VCL: variants seen among roughly 807,000 people sequenced by gnomAD.
The protein encoded by VCL is vinculin.
VCL carries 47 observed loss-of-function variants against 125.7 expected under a neutral mutation model. The observed-to-expected ratio is 0.37, with a 90% CI of 0.30 to 0.48. The LOEUF (loss-of-function observed/expected upper bound fraction) is 0.48, where lower values mean the gene tolerates loss of function less well. Among genes scored for constraint, VCL ranks in the 20% least tolerant of loss-of-function variants. The probability of loss-of-function intolerance (pLI) is 0.99; values close to 1 mark genes in which losing one functional copy is unlikely to be tolerated. For synonymous variants in VCL, 458 were observed against 514.6 expected, an observed-to-expected ratio of 0.89 and a Z score of 1.49; for missense variants, 1,069 against 1,455.5, an observed-to-expected ratio of 0.73 and a Z score of 4.32.
Position 74,070,976 on chromosome 10 carries a change from T to C in VCL, c.392T>C (p.Val131Ala). Residue 131 changes from valine to alanine, a missense_variant and splice_region_variant, in exon 4 of 22, where the codon GTC (valine) becomes GCC (alanine). Coordinates refer to ENST00000211998, the MANE Select transcript of VCL (RefSeq NM_014000.3). ...DLLLTFDEAE[V>A]RKIIRVCKGI... Reference sequence around the variant, plus strand: ...GAATACTCTGAAATATTTTTTCAGGTCCGTAAAATTATTAGAGTTTGCAAA... The same window carrying C: ...GAATACTCTGAAATATTTTTTCAGGCCCGTAAAATTATTAGAGTTTGCAAA... 1 of 1,614,110 alleles carries C rather than the reference T, an allele frequency of 6.2e-7. No homozygotes were observed. The highest frequency in any genetic ancestry group is 8.5e-7 in the Non-Finnish European group (1 of 1,179,962).
At chr10:74,053,767 T>G (rs773104920) in intron 2 of VCL, among the ~76,000 whole-genome samples, 1 of 151,948 alleles carries the variant, frequency 6.6e-6, no homozygotes, top group Non-Finnish European at 1.5e-5. Context: ...CCCGCCACCA[T>G]GCCTGGCTAA....
intron 1 of VCL, among the ~76,000 whole-genome samples, chr10:74,033,879 G>C (rs1279403702): frequency 1.3e-5 from 2 of 152,100 alleles, no homozygotes; most frequent in Non-Finnish European, 2.9e-5. Flanking sequence ...CTAGATTTCT[G>C]TCTCACCCTC....
intron 13 of VCL, among the ~76,000 whole-genome samples, chr10:74,100,067 C>G (rs1366766915): frequency 6.6e-6 from 1 of 152,322 alleles, no homozygotes; most frequent in East Asian, 1.9e-4. Context: ...GTGTATAAAC[C>G]TGACCCAGTG....
chr10:74,014,362 G>T (rs745724853), intron 1 of VCL, among the ~76,000 whole-genome samples: 61 of 151,882 alleles, frequency 4.0e-4, no homozygotes, highest in Non-Finnish European at 6.5e-4. Context: ...CTCCCCAGTA[G>T]CTAGGACTAC....
chr10:74,047,335 T>C (rs1337288630), intron 2 of VCL, among the ~76,000 whole-genome samples: 1 of 152,226 alleles, frequency 6.6e-6, no homozygotes, highest in Non-Finnish European at 1.5e-5. Context: ...TGGATTTTTA[T>C]GTTTGCTTTT....
At position 74,089,210 on chromosome 10, in the gene VCL, C is replaced by T; in HGVS notation, c.1037C>T (p.Ser346Leu). The T allele has an allele frequency of 1.2e-6, 2 of 1,614,038 alleles. No individual in the cohort carries two copies. Among genetic ancestry groups the T allele is most frequent in the South Asian group, 2.2e-5 (2 of 91,046 alleles). Reference sequence around the variant, plus strand: ...GTTTTGAGCAGAGGACAAGGATCCTCACCGGTGGCCATGCAGAAAGCTCAG... The same window carrying T: ...GTTTTGAGCAGAGGACAAGGATCCTTACCGGTGGCCATGCAGAAAGCTCAG... ...ADLRARGQGS[S>L]PVAMQKAQQV... is the part of the protein sequence containing the mutation. Residue 346 changes from serine (S) to leucine (L), a missense_variant, in exon 9 of 22, where the codon TCA becomes TTA. This residue lies in a region of VCL where 760 missense variants were observed against 928.9 expected (regional missense o/e 0.82). Transcript: ENST00000211998.
chr10:74,029,035 T>G (rs534652263), intron 1 of VCL, among the ~76,000 whole-genome samples: 1 of 151,898 alleles, frequency 6.6e-6, no homozygotes, highest in Non-Finnish European at 1.5e-5. Context: ...GCTAGGTTGG[T>G]CTCAAACTCT....
At chr10:74,104,526 T>C (rs961397907) in intron 15 of VCL, among the ~76,000 whole-genome samples, 1 of 152,176 alleles carries the variant, frequency 6.6e-6, no homozygotes. Flanking sequence ...CAGAACCTGC[T>C]GTGACTGGGG....
At position 74,071,150 on chromosome 10, in the gene VCL, A is replaced by AC. The variant is rs1194263562; in HGVS notation, c.499+70dup. On this transcript the variant is annotated intron_variant, in intron 4 of 21. Transcript: ENST00000211998. The surrounding 1 kb of genome is among the most constrained non-coding windows in gnomAD (Gnocchi z 4.1). ...CCATGTTGGAGCCAAAGGAAAGGGT[A>AC]CCCTCTTCCTACTTTTTGCAGAAGA... The AC allele has an allele frequency of 6.7e-7, 1 of 1,489,058 alleles. No homozygotes were observed. Among genetic ancestry groups the AC allele is most frequent in the Non-Finnish European group, 9.4e-7 (1 of 1,069,380 alleles). The allele number at this position is 1,489,058 out of a possible 1,614,324, so 92.2% of individuals were successfully genotyped here. A position where few individuals can be genotyped will look rare whatever the true frequency, so the allele number is the denominator to read the frequency against.
intron 1 of VCL, among the ~76,000 whole-genome samples, chr10:74,029,183 G>A (rs376072508): frequency 1.1e-4 from 16 of 150,626 alleles, no homozygotes; most frequent in East Asian, 5.9e-4. Flanking sequence ...GCGTGATCTC[G>A]GCTCACTGCA....
At chr10:73,998,594 A>G (rs1840162441) in intron 1 of VCL, among the ~76,000 whole-genome samples, 1 of 152,232 alleles carries the variant, frequency 6.6e-6, no homozygotes, top group Non-Finnish European at 1.5e-5. Flanking sequence ...AAATGGGAGC[A>G]GTCATGAAAA....
chr10:74,077,592 G>C, intron 6 of VCL: 1 of 281,392 alleles, frequency 3.6e-6, no homozygotes, highest in Non-Finnish European at 7.3e-6. Flanking sequence ...GTGACTGCTG[G>C]GTTCCCATTC....
At chr10:74,105,427 C>A in intron 16 of VCL, 74 bp downstream of exon 16, 2 of 1,577,964 alleles carry the variant, frequency 1.3e-6, no homozygotes, top group Non-Finnish European at 1.7e-6. Flanking sequence ...GGAATATGTA[C>A]CCCACAACCA....
chr10:74,112,151 G>A (rs1329504332), intron 19 of VCL, 39 bp downstream of exon 19: 1 of 1,612,192 alleles, frequency 6.2e-7, no homozygotes, highest in Admixed American at 1.7e-5. Flanking sequence ...TGCTCCATAT[G>A]CATCCGGCCA....
intron 1 of VCL, among the ~76,000 whole-genome samples, chr10:74,034,052 G>A (rs1273710417): frequency 6.6e-6 from 1 of 152,170 alleles, no homozygotes; most frequent in Non-Finnish European, 1.5e-5. Flanking sequence ...TGTCTGTAAT[G>A]CTTGGTACAT....
chr10:74,092,694 G>A (rs1839908308), intron 10 of VCL, among the ~76,000 whole-genome samples: 1 of 152,166 alleles, frequency 6.6e-6, no homozygotes, highest in Non-Finnish European at 1.5e-5. Flanking sequence ...GGTTGACTAT[G>A]CAGTGTTTTT....
At position 73,998,315 on chromosome 10, in the gene VCL, C is replaced by A; in HGVS notation, c.108C>A (p.Ala36=). 1 of 1,583,448 alleles carries A rather than the reference C, an allele frequency of 6.3e-7. No homozygotes were observed. The change falls in exon 1 of 22, where the codon GCC becomes GCA. Residue 36 remains alanine, a synonymous_variant. Transcript: ENST00000211998. The part of the protein sequence containing the change: ...MHEEGEVDGK[A]IPDLTAPVAA... ...AGGAGGGCGAGGTGGACGGCAAAGC[C>A]ATTCCTGACCTCACCGCGCCCGTGG...
intron 20 of VCL, 30 bp downstream of exon 20, chr10:74,114,417 G>T (rs753559415): frequency 2.1e-6 from 3 of 1,409,606 alleles, no homozygotes; most frequent in Non-Finnish European, 2.8e-6. Context: ...GCGTGTGTGT[G>T]TGTGTGTGTG....
chr10:74,078,123 A>C (rs961178706), intron 6 of VCL, among the ~76,000 whole-genome samples: 9 of 152,122 alleles, frequency 5.9e-5, no homozygotes, highest in African/African-American at 1.7e-4. Context: ...ATTAAGAGGA[A>C]GTGAGATAAA....
Sources: gnomAD v4.1 joint callset for allele counts (sites outside exome capture counted in the v4.1 genomes callset) on GRCh38, gnomAD v4.1.1 for gene constraint, gnomAD v4.1.1 regional missense constraint, Gnocchi (gnomAD v3.1) non-coding constraint, MANE v1.5 for transcripts, NCBI Gene and HGNC (gene_info 2026-07-23, HGNC 2026-07-21) for gene names.